Variants in CALN1 observed in about 807,000 individuals in gnomAD.
CALN1 encodes calneuron 1.
In CALN1, 17 loss-of-function variants were observed where a neutral mutation model predicts 30.6. The observed-to-expected ratio is 0.56, with a 90% CI of 0.38 to 0.83. The LOEUF (loss-of-function observed/expected upper bound fraction) is 0.83, where lower values mean the gene tolerates loss of function less well. CALN1 is among the 40% of genes least tolerant of loss of function. The pLI is 0.00. For missense variants in CALN1, 291 were observed against 354.9 expected (o/e 0.82, Z 1.45); for synonymous variants, 156 against 131.4 (o/e 1.19, Z -1.28).
At chr7:72,465,592 A>AT in the CALN1 span, among the ~76,000 whole-genome samples, 1 of 152,184 alleles carries the variant, frequency 6.6e-6, no homozygotes, top group Non-Finnish European at 1.5e-5. Flanking sequence ...GGCCAGACCA[A>AT]TAGGAGAGGG....
the CALN1 span, among the ~76,000 whole-genome samples, chr7:72,484,519 C>G: frequency 3.9e-5 from 6 of 152,130 alleles, no homozygotes; most frequent in African/African-American, 1.4e-4. Context: ...GGTAGTTCTT[C>G]CCCCAGTCCC....
chr7:72,146,344 A>T (rs1282259758), intron 3 of CALN1, among the ~76,000 whole-genome samples: 1 of 152,218 alleles, frequency 6.6e-6, no homozygotes, highest in Non-Finnish European at 1.5e-5. Context: ...AGAGAGCCAA[A>T]TCATGAGTGA....
chr7:71,846,860 A>ATGTG (rs1479796033), intron 5 of CALN1, among the ~76,000 whole-genome samples: 1 of 146,644 alleles, frequency 6.8e-6, no homozygotes, highest in African/African-American at 2.5e-5. Context: ...ATATGTATAT[A>ATGTG]TGTATGTATA....
At chr7:72,330,431 G>GCACTC (rs1801586857) in intron 2 of CALN1, among the ~76,000 whole-genome samples, 1 of 142,612 alleles carries the variant, frequency 7.0e-6, no homozygotes, top group Admixed American at 7.2e-5. Flanking sequence ...TCGTGCCACT[G>GCACTC]CACTCCAGCC....
intron 5 of CALN1, among the ~76,000 whole-genome samples, chr7:71,865,210 G>C (rs956993143): frequency 6.6e-6 from 1 of 152,138 alleles, no homozygotes; most frequent in African/African-American, 2.4e-5. Context: ...TTGGATCGTG[G>C]GGGTGGTTTC....
At chr7:71,972,508 A>G (rs1202485881) in intron 5 of CALN1, among the ~76,000 whole-genome samples, 2 of 152,194 alleles carry the variant, frequency 1.3e-5, no homozygotes, top group Non-Finnish European at 2.9e-5. Context: ...ACACAGGCAG[A>G]AAGAACAGAC....
intron 2 of CALN1, among the ~76,000 whole-genome samples, chr7:72,295,404 G>T (rs560633234): frequency 3.3e-5 from 5 of 152,088 alleles, no homozygotes; most frequent in South Asian, 2.1e-4. Context: ...GTGAAGAAAG[G>T]CATTGGTAGC....
chr7:71,935,201 C>T (rs1795765005), intron 5 of CALN1, among the ~76,000 whole-genome samples: 1 of 152,148 alleles, frequency 6.6e-6, no homozygotes, highest in Non-Finnish European at 1.5e-5. Flanking sequence ...AATGATGAGG[C>T]TTTACTGAAG....
intron 5 of CALN1, among the ~76,000 whole-genome samples, chr7:71,935,709 G>A (rs958373009): frequency 1.3e-5 from 2 of 152,120 alleles, no homozygotes; most frequent in African/African-American, 2.4e-5. Context: ...CAACAAGAGC[G>A]AAACTCCGTC....
chr7:71,981,247 C>G (rs745313052), intron 5 of CALN1, among the ~76,000 whole-genome samples: 1 of 152,148 alleles, frequency 6.6e-6, no homozygotes, highest in African/African-American at 2.4e-5. Flanking sequence ...CCCCTGCCCC[C>G]CTTTCATCTG....
At chr7:72,050,978 G>A (rs989383684) in intron 4 of CALN1, among the ~76,000 whole-genome samples, 1 of 150,336 alleles carries the variant, frequency 6.7e-6, no homozygotes, top group African/African-American at 2.5e-5. Context: ...CTGGGTGACA[G>A]AGCAAGACTC....
At chr7:71,946,919 G>A (rs1796435295) in intron 5 of CALN1, among the ~76,000 whole-genome samples, 1 of 152,142 alleles carries the variant, frequency 6.6e-6, no homozygotes, top group Non-Finnish European at 1.5e-5. Flanking sequence ...CTGGGCTCAA[G>A]CAATCTTCCT....
chr7:72,062,311 G>T (rs1468972060), intron 4 of CALN1, among the ~76,000 whole-genome samples: 2 of 152,142 alleles, frequency 1.3e-5, no homozygotes, highest in African/African-American at 4.8e-5. Context: ...AGGAGTTTGA[G>T]ACCAGTCTGG....
rs561903853 is a variant in CALN1 at position 72,406,705 on chromosome 7, C to T, written c.-73-3263G>A. Among the ~76,000 whole-genome samples, 55 of 151,602 alleles carry T rather than the reference C, an allele frequency of 3.6e-4. No homozygotes were observed. In the East Asian group the frequency reaches 6.8e-3, roughly 19 times the overall value. On this transcript the variant is annotated intron_variant, in intron 1 of 6. Transcript: ENST00000395275. The stretch of plus-strand genomic sequence containing the variant: ...GATCCCTGCTCACTGCAGGCTCTGC[C>T]TCCCAGGTTCAAGCCATTCTCCTGC...
At chr7:72,356,682 AATT>A (rs1362734881) in intron 2 of CALN1, among the ~76,000 whole-genome samples, 1 of 152,072 alleles carries the variant, frequency 6.6e-6, no homozygotes, top group Non-Finnish European at 1.5e-5. Flanking sequence ...AATTAAAAGC[AATT>A]ATTATTGTGT....
At chr7:72,483,118 T>C in the CALN1 span, among the ~76,000 whole-genome samples, 4 of 152,124 alleles carry the variant, frequency 2.6e-5, no homozygotes, top group African/African-American at 7.2e-5. Context: ...ATATATAACA[T>C]GTCTGCTTTT....
At chr7:72,130,613 C>CA (rs1185475412) in intron 3 of CALN1, among the ~76,000 whole-genome samples, 3 of 152,064 alleles carry the variant, frequency 2.0e-5, no homozygotes, top group African/African-American at 7.2e-5. Context: ...ACATAAGAAA[C>CA]AGATATTCCT....
At chr7:71,916,472 T>C (rs994250911) in intron 5 of CALN1, among the ~76,000 whole-genome samples, 18 of 152,034 alleles carry the variant, frequency 1.2e-4, no homozygotes, top group African/African-American at 3.9e-4. Context: ...ACATACACCA[T>C]AGAATACTAT....
intron 3 of CALN1, among the ~76,000 whole-genome samples, chr7:72,243,957 C>T (rs1795002161): frequency 6.6e-6 from 1 of 152,220 alleles, no homozygotes; most frequent in African/African-American, 2.4e-5. Flanking sequence ...TGTTCTACCT[C>T]TATCTACCGT....
Sources: gnomAD v4.1 joint callset for allele counts (sites outside exome capture counted in the v4.1 genomes callset) on GRCh38, gnomAD v4.1.1 for gene constraint, MANE v1.5 for transcripts, NCBI Gene and HGNC (gene_info 2026-07-23, HGNC 2026-07-21) for gene names.